UNC5B: variants seen among roughly 807,000 people sequenced by gnomAD.
The protein encoded by UNC5B is netrin receptor UNC5B.
UNC5B carries 56 observed loss-of-function variants against 103.7 expected under a neutral mutation model. The ratio of observed to expected loss-of-function variants is 0.54; its 90% CI spans 0.44 to 0.67. The LOEUF (loss-of-function observed/expected upper bound fraction) is 0.67, where lower values mean the gene tolerates loss of function less well. Among genes scored for constraint, UNC5B ranks in the 30% least tolerant of loss-of-function variants. The pLI is 0.00. For missense variants in UNC5B, 1,194 were observed against 1,284.5 expected, an observed-to-expected ratio of 0.93 and a Z score of 1.08; for synonymous variants, 577 against 542.0, an observed-to-expected ratio of 1.06 and a Z score of -0.90.
intron 9 of UNC5B, 125 bp downstream of exon 9, chr10:71,291,234 AT>A: frequency 7.4e-7 from 1 of 1,352,792 alleles, no homozygotes; most frequent in Non-Finnish European, 1.0e-6. Flanking sequence ...TGCTCTAGAG[AT>A]AACTATGTGG....
intron 1 of UNC5B, among the ~76,000 whole-genome samples, chr10:71,253,146 C>T (rs116958830): frequency 1.1e-3 from 164 of 152,194 alleles, no homozygotes; most frequent in Non-Finnish European, 1.5e-3. Flanking sequence ...TCTGGGTCTG[C>T]ACCCTCTGCT....
intron 1 of UNC5B, among the ~76,000 whole-genome samples, chr10:71,277,493 G>A (rs1844799902): frequency 6.6e-6 from 1 of 152,222 alleles, no homozygotes; most frequent in Admixed American, 6.5e-5. Context: ...ATGCCCTCCT[G>A]GCTCCATCCT....
Position 71,286,876 on chromosome 10 carries a change from G to A in UNC5B, c.733+7G>A, listed in dbSNP as rs1486118338. Reference sequence around the variant, plus strand: ...GCCACCGTCATCGTCTACGGTGCGGGCCTTTCGGAGTGGGAGGGGCAGACA... The same window carrying A: ...GCCACCGTCATCGTCTACGGTGCGGACCTTTCGGAGTGGGAGGGGCAGACA... On this transcript the variant is annotated splice_region_variant and intron_variant, in intron 5 of 16. Coordinates refer to ENST00000335350, the MANE Select transcript of UNC5B (RefSeq NM_170744.5). The A allele has an allele frequency of 1.9e-6, 3 of 1,612,036 alleles. No homozygotes were observed. Among genetic ancestry groups the A allele is most frequent in the South Asian group, 1.1e-5 (1 of 90,916 alleles).
In UNC5B at chr10:71,288,639, G is replaced by A. The variant is rs1157473537; in HGVS notation, c.973G>A (p.Glu325Lys). The change falls in exon 7 of 17, where the codon GAG becomes AAG. Residue 325 changes from glutamate to lysine, a missense_variant. Coordinates refer to ENST00000335350, the MANE Select transcript of UNC5B (RefSeq NM_170744.5). ...TGAGTGTGCCCACTGGCGTAGCCGCGAGTGCATGGCGCCCCCACCCCAGAA... is the reference window on the plus strand; with the variant it reads ...TGAGTGTGCCCACTGGCGTAGCCGCAAGTGCATGGCGCCCCCACCCCAGAA... ...STECAHWRSR[E>K]CMAPPPQNGG... 5.6e-6 allele frequency: 9 copies of A among 1,613,872 alleles called. No individual in the cohort carries two copies. Among genetic ancestry groups the A allele is most frequent in the East Asian group, 4.5e-5 (2 of 44,880 alleles).
chr10:71,292,652 C>T, intron 11 of UNC5B, 98 bp downstream of exon 11: 1 of 1,016,632 alleles, frequency 9.8e-7, no homozygotes, highest in Admixed American at 2.2e-5. Flanking sequence ...CAAGACCAAA[C>T]AGTCCTCCAA....
chr10:71,302,102 C>G lies in UNC5B; in HGVS notation c.*2825C>G, dbSNP rs1845594799. 6.6e-6 allele frequency: 1 copy of G among 152,264 alleles called. No homozygotes were observed. Among genetic ancestry groups the G allele is most frequent in the African/African-American group, 2.4e-5 (1 of 41,454 alleles). The allele number at this position is 152,264 out of a possible 1,614,324, so 9.4% of individuals were successfully genotyped here. A position where few individuals can be genotyped will look rare whatever the true frequency, so the allele number is the denominator to read the frequency against. On this transcript the variant is annotated 3_prime_UTR_variant, in exon 17 of 17. Transcript: ENST00000335350. ...CCCAGAAAGGCTTTGCCGACTCCAT[C>G]CGTCTGTGGAGGCTGCCTGCCTCCG...
intron 16 of UNC5B, among the ~76,000 whole-genome samples, chr10:71,298,379 C>T (rs1052758216): frequency 6.6e-6 from 1 of 152,204 alleles, no homozygotes; most frequent in Non-Finnish European, 1.5e-5. Context: ...TCTCACCGAA[C>T]AGCAGGAGAC....
At chr10:71,278,578 G>A (rs1844828886) in intron 1 of UNC5B, among the ~76,000 whole-genome samples, 1 of 152,260 alleles carries the variant, frequency 6.6e-6, no homozygotes, top group African/African-American at 2.4e-5. Context: ...AGCATAGTCA[G>A]ACATTCTGTT....
intron 1 of UNC5B, among the ~76,000 whole-genome samples, chr10:71,215,557 A>G (rs1278490080): frequency 5.9e-5 from 9 of 152,086 alleles, no homozygotes; most frequent in African/African-American, 1.2e-4. Context: ...GGAGAAATCA[A>G]AACTGGAACC....
At chr10:71,219,370 A>G (rs1225063518) in intron 1 of UNC5B, among the ~76,000 whole-genome samples, 1 of 152,154 alleles carries the variant, frequency 6.6e-6, no homozygotes, top group Non-Finnish European at 1.5e-5. Context: ...GAGCAAGGAG[A>G]GCCAGTCCGA....
chr10:71,252,535 G>C (rs559485026), intron 1 of UNC5B, among the ~76,000 whole-genome samples: 26 of 152,334 alleles, frequency 1.7e-4, no homozygotes, highest in African/African-American at 5.3e-4. Flanking sequence ...TGGAGAGATT[G>C]CTAATAATGA....
chr10:71,254,308 A>T (rs1427295292), intron 1 of UNC5B, among the ~76,000 whole-genome samples: 1 of 152,232 alleles, frequency 6.6e-6, no homozygotes, highest in Non-Finnish European at 1.5e-5. Flanking sequence ...TTTACCCACT[A>T]TCTGACTCAG....
At chr10:71,266,434 G>A (rs1266997970) in intron 1 of UNC5B, among the ~76,000 whole-genome samples, 1 of 152,174 alleles carries the variant, frequency 6.6e-6, no homozygotes, top group Admixed American at 6.5e-5. Flanking sequence ...TGCTCACTCA[G>A]AGGACATGGG....
intron 8 of UNC5B, among the ~76,000 whole-genome samples, chr10:71,290,035 G>A (rs574894853): frequency 1.2e-4 from 18 of 152,346 alleles, no homozygotes; most frequent in Middle Eastern, 3.4e-3. Context: ...CATCTTGGCC[G>A]CCATTTTTGC....
intron 1 of UNC5B, among the ~76,000 whole-genome samples, chr10:71,274,002 A>C (rs1844706539): frequency 6.6e-6 from 1 of 152,260 alleles, no homozygotes; most frequent in African/African-American, 2.4e-5. Context: ...CTGGGGGACC[A>C]GGCTGCAACC....
chr10:71,223,277 G>A (rs553789376), intron 1 of UNC5B, among the ~76,000 whole-genome samples: 1 of 152,192 alleles, frequency 6.6e-6, no homozygotes, highest in Non-Finnish European at 1.5e-5. Flanking sequence ...CTGTAGAATG[G>A]ATGAATGAGA....
chr10:71,286,770 A>G lies in UNC5B; in HGVS notation c.634A>G (p.Ile212Val). 6.2e-7 allele frequency: 1 copy of G among 1,614,084 alleles called. No homozygotes were observed. The highest frequency in any genetic ancestry group is 8.5e-7 in the Non-Finnish European group (1 of 1,180,018). The change falls in exon 5 of 17, where the codon ATC (isoleucine) becomes GTC (valine). Residue 212 changes from isoleucine (I) to valine (V), a missense_variant. Physicochemically the swap from Ile to Val is conservative, Grantham distance 29 (BLOSUM62 3). Transcript: ENST00000335350. ...GCTCACCATCGACCACAACCTCATC[A>G]TCCGCCAGGCCCGCCTGTCGGACAC... ...FLLTIDHNLIIRQARLSDTAN... is the reference protein window; with the variant it reads ...FLLTIDHNLIVRQARLSDTAN...
intron 1 of UNC5B, among the ~76,000 whole-genome samples, chr10:71,238,964 G>A (rs910559430): frequency 1.3e-5 from 2 of 152,096 alleles, no homozygotes; most frequent in South Asian, 2.1e-4. Context: ...GGCTTTAGAC[G>A]AGGGAGTTAA....
intron 5 of UNC5B, 88 bp from the exon 6 acceptor site, chr10:71,287,510 A>T (rs755528872): frequency 3.9e-5 from 57 of 1,477,526 alleles, no homozygotes; most frequent in Non-Finnish European, 4.6e-5. Flanking sequence ...GCTTCAGCAG[A>T]GGGGCCTCGT....
Sources: allele counts gnomAD v4.1 joint callset (sites outside exome capture counted in the v4.1 genomes callset), GRCh38; gene constraint gnomAD v4.1.1; transcripts MANE v1.5; gene names NCBI Gene and HGNC (gene_info 2026-07-23, HGNC 2026-07-21).